ETV4: variants seen among roughly 807,000 people sequenced by gnomAD.
ETV4 encodes ETS variant transcription factor 4.
Under a neutral mutation model 65.9 loss-of-function variants are expected in ETV4, and 42 were observed. The observed-to-expected ratio is 0.64, with a 90% confidence interval of 0.50 to 0.82. The LOEUF (loss-of-function observed/expected upper bound fraction) is 0.82, where lower values mean the gene tolerates loss of function less well. ETV4 is among the 40% of genes least tolerant of loss of function. ETV4 has a pLI of 0.00. For synonymous variants in ETV4, 238 were observed against 260.0 expected, an observed-to-expected ratio of 0.92 and a Z score of 0.81; for missense variants, 583 against 630.3, an observed-to-expected ratio of 0.92 and a Z score of 0.80.
At chr17:43,542,732 A>G (rs1971586677) in intron 4 of ETV4, among the ~76,000 whole-genome samples, 2 of 152,206 alleles carry the variant, frequency 1.3e-5, no homozygotes, top group Admixed American at 6.5e-5. Flanking sequence ...ATCTTCCTGT[A>G]TCTGCCCGGC....
chr17:43,537,867 G>A (rs565707074), intron 4 of ETV4, among the ~76,000 whole-genome samples: 2 of 152,246 alleles, frequency 1.3e-5, no homozygotes, highest in Admixed American at 6.5e-5. Flanking sequence ...GGTGGCTCAC[G>A]CCTGTAATCC....
chr17:43,533,026 G>C (rs774389731), intron 7 of ETV4, 87 bp from the exon 8 acceptor site: 37 of 1,508,846 alleles, frequency 2.5e-5, no homozygotes, highest in Non-Finnish European at 3.2e-5. Flanking sequence ...TTTAGAGTGG[G>C]CTCCGGAATG....
At chr17:43,542,666 T>G (rs1971582926) in intron 4 of ETV4, among the ~76,000 whole-genome samples, 1 of 152,036 alleles carries the variant, frequency 6.6e-6, no homozygotes, top group African/African-American at 2.4e-5. Flanking sequence ...AAAGCCGCAC[T>G]CACACTCACC....
At chr17:43,530,229 C>G (rs150011413) in intron 8 of ETV4, 48 bp from the exon 9 acceptor site, 1 of 1,551,346 alleles carries the variant, frequency 6.4e-7, no homozygotes, top group African/African-American at 1.4e-5. Context: ...GGGTGGAGCT[C>G]GAGGGCAGGG....
rs377565878 is a variant in ETV4, at chr17:43,529,512, G to A, written c.1120C>T (p.Pro374Ser). Residue 374 changes from proline (P) to serine (S), a missense_variant, in exon 11 of 13, where the codon CCT (proline) becomes TCT (serine). Transcript: ENST00000319349. ...ACATCCGAGAGGCCCACCTCCTCAG[G>A]CTCAATGAGCTTGAACTCCATTCCC... ...GRGMEFKLIE[P>S]EEVARLWGIQ... 3 of 1,611,442 alleles carry A rather than the reference G, an allele frequency of 1.9e-6. No homozygotes were observed. Among genetic ancestry groups the A allele is most frequent in the Non-Finnish European group, 1.7e-6 (2 of 1,178,426 alleles).
chr17:43,537,930 C>CATCCT (rs1402715604), intron 4 of ETV4, among the ~76,000 whole-genome samples: 2 of 152,108 alleles, frequency 1.3e-5, no homozygotes, highest in Non-Finnish European at 2.9e-5. Context: ...AGATCAGGAC[C>CATCCT]ATCCTGGCTA....
rs138730592 is a variant in ETV4 at position 43,543,710 on chromosome 17, G to C, written c.202+1265C>G. ...AATTGGAGCTGGGCATGCAGGACTT[G>C]CAGGGTCGGGGATGATGCACACAAT... is the stretch of plus-strand genomic sequence containing the variant. On this transcript the variant is annotated intron_variant, in intron 4 of 12. Transcript: ENST00000319349. 2.5e-3 allele frequency among the ~76,000 whole-genome samples: 383 copies of C among 152,318 alleles called. 2 individuals carry two copies. The highest frequency in any genetic ancestry group is 9.0e-3 in the African/African-American group (373 of 41,558).
At chr17:43,531,056 G>A (rs554665490) in intron 8 of ETV4, among the ~76,000 whole-genome samples, 1 of 152,288 alleles carries the variant, frequency 6.6e-6, no homozygotes, top group African/African-American at 2.4e-5. Context: ...CCTCTCCCCA[G>A]CTCACTGCCA....
intron 4 of ETV4, among the ~76,000 whole-genome samples, chr17:43,543,096 C>A (rs537470411): frequency 6.6e-6 from 1 of 151,968 alleles, no homozygotes; most frequent in Non-Finnish European, 1.5e-5. Flanking sequence ...AGCATCCCCC[C>A]CTCAGACCTG....
At position 43,528,462 on chromosome 17, in the gene ETV4, C is replaced by G; in HGVS notation, c.*57G>C. On this transcript the variant is annotated 3_prime_UTR_variant, in exon 13 of 13. Transcript: ENST00000319349. ...ATGAAGGTTTCCCCAACACCAGATT[C>G]ATTTATATGTACACAGGGCAGCACC... 1.7e-6 allele frequency: 2 copies of G among 1,200,456 alleles called. No individual in the cohort carries two copies. The highest frequency in any genetic ancestry group is 2.3e-6 in the Non-Finnish European group (2 of 853,308). 74.4% of individuals were successfully genotyped at this position (1,200,456 alleles called of 1,614,324 possible).
chr17:43,536,572 A>G (rs1301970389), intron 4 of ETV4, 93 bp from the exon 5 acceptor site: 1 of 1,089,356 alleles, frequency 9.2e-7, no homozygotes, highest in East Asian at 2.4e-5. Context: ...AGCAACAGCC[A>G]AGAAAGGACC....
intron 5 of ETV4, among the ~76,000 whole-genome samples, chr17:43,534,792 T>C (rs1183747452): frequency 6.6e-6 from 1 of 151,956 alleles, no homozygotes; most frequent in Non-Finnish European, 1.5e-5. Context: ...TACAAAAAAA[T>C]TAGCCGGGCG....
chr17:43,530,426 C>T, intron 8 of ETV4: 1 of 1,401,262 alleles, frequency 7.1e-7, no homozygotes. Flanking sequence ...GCAGCGGGGG[C>T]TGGGCAAGCT....
At chr17:43,536,079 C>A (rs2030464030) in intron 5 of ETV4, among the ~76,000 whole-genome samples, 1 of 152,166 alleles carries the variant, frequency 6.6e-6, no homozygotes, top group African/African-American at 2.4e-5. Flanking sequence ...CCACTGCACT[C>A]CAGCCTGGGT....
Position 43,536,478 on chromosome 17 carries a change from A to G in ETV4, c.204T>C (p.Ala68=), listed in dbSNP as rs1199203171. ...SHFQETWLAE[A]QVPDSDEQFV... is the part of the protein sequence containing the mutation. ...ACTGCTCATCACTGTCTGGTACCTG[A>G]GCTGCAGAGAGAAGTCAGAGGTGAG... is the stretch of plus-strand genomic sequence containing the variant. Residue 68 remains alanine (A), a splice_region_variant and synonymous_variant, in exon 5 of 13, where the codon GCT becomes GCC. Coordinates refer to ENST00000319349, the MANE Select transcript of ETV4 (RefSeq NM_001079675.5). 2 of 1,614,206 alleles carry G rather than the reference A, an allele frequency of 1.2e-6. No individual in the cohort carries two copies. The highest frequency in any genetic ancestry group is 3.3e-5 in the Admixed American group (2 of 60,020).
chr17:43,532,732 C>T lies in ETV4; in HGVS notation c.753G>A (p.Arg251=), dbSNP rs375589509. 4 of 1,614,062 alleles carry T rather than the reference C, an allele frequency of 2.5e-6. No homozygotes were observed. Among genetic ancestry groups the T allele is most frequent in the African/African-American group, 2.7e-5 (2 of 75,018 alleles). ...TGATCACCACCCCCGCCCCTGGGTA[C>T]CTGTGCCCATTGACCCCACCCTGGT... is the stretch of plus-strand genomic sequence containing the variant. ...AVDQGGVNGH[R]YPGAGVVIKQ... is the part of the protein sequence containing the mutation. Residue 251 remains arginine (R), a synonymous_variant, in exon 8 of 13, where the codon AGG becomes AGA. Transcript: ENST00000319349.
intron 5 of ETV4, among the ~76,000 whole-genome samples, chr17:43,535,888 G>A (rs1455294269): frequency 2.0e-5 from 3 of 152,150 alleles, no homozygotes; most frequent in Non-Finnish European, 4.4e-5. Context: ...CGAGGTGGGC[G>A]GATCACAAGG....
chr17:43,530,500 G>A (rs1193422386), intron 8 of ETV4: 1 of 1,198,754 alleles, frequency 8.3e-7, no homozygotes, highest in Non-Finnish European at 1.1e-6. Context: ...GAGGAGGGAG[G>A]GTGAGATGAA....
At chr17:43,530,478 C>T in intron 8 of ETV4, 3 of 1,293,630 alleles carry the variant, frequency 2.3e-6, no homozygotes, top group Non-Finnish European at 9.9e-7. Context: ...CTGTTTCCTG[C>T]GAGTTCAGGG....
Sources: gnomAD v4.1 joint callset for allele counts (sites outside exome capture counted in the v4.1 genomes callset) on GRCh38, gnomAD v4.1.1 for gene constraint, MANE v1.5 for transcripts, NCBI Gene and HGNC (gene_info 2026-07-23, HGNC 2026-07-21) for gene names.